SGCZ: variants seen among roughly 807,000 people sequenced by gnomAD.
The protein encoded by SGCZ is sarcoglycan zeta, also known as zeta-sarcoglycan.
SGCZ carries 40 observed loss-of-function variants against 41.3 expected under a neutral mutation model. The observed-to-expected ratio is 0.97, with a 90% CI of 0.75 to 1.26. The LOEUF (loss-of-function observed/expected upper bound fraction) is 1.26. Ranked by LOEUF, SGCZ falls within the 50% of genes most tolerant of loss-of-function variation. SGCZ has a pLI of 0.00. For synonymous variants in SGCZ, 206 were observed against 137.5 expected, an observed-to-expected ratio of 1.50 and a Z score of -3.49; for missense variants, 552 against 369.8, an observed-to-expected ratio of 1.49 and a Z score of -4.04.
At chr8:14,554,986 T>A (rs991116577) in intron 1 of SGCZ, 60 bp from the exon 2 acceptor site, 4 of 1,438,042 alleles carry the variant, frequency 2.8e-6, no homozygotes, top group Non-Finnish European at 2.8e-6. Flanking sequence ...TTAAAAAAAA[T>A]AAACCCATGA....
chr8:14,135,553 GA>G (rs1423181051), intron 5 of SGCZ, among the ~76,000 whole-genome samples: 1 of 151,726 alleles, frequency 6.6e-6, no homozygotes, highest in East Asian at 1.9e-4. Context: ...AGAAAATGTA[GA>G]AAAAAATGAA....
At chr8:15,103,027 C>T (rs1303332043) in intron 1 of SGCZ, among the ~76,000 whole-genome samples, 1 of 152,000 alleles carries the variant, frequency 6.6e-6, no homozygotes, top group African/African-American at 2.4e-5. Flanking sequence ...ATAAATAGAA[C>T]ACATATATTA....
At chr8:15,091,456 A>C (rs1430523053) in intron 1 of SGCZ, among the ~76,000 whole-genome samples, 2 of 152,254 alleles carry the variant, frequency 1.3e-5, no homozygotes, top group East Asian at 3.9e-4. Context: ...AGACTTAATC[A>C]TTCAATGCCA....
At chr8:15,208,097 A>G (rs904542553) in intron 1 of SGCZ, among the ~76,000 whole-genome samples, 6 of 152,216 alleles carry the variant, frequency 3.9e-5, no homozygotes, top group African/African-American at 1.4e-4. Flanking sequence ...GAGTAATAAA[A>G]CAGCAAATAA....
chr8:15,118,703 C>T (rs533427660), intron 1 of SGCZ, among the ~76,000 whole-genome samples: 1 of 152,182 alleles, frequency 6.6e-6, no homozygotes, highest in South Asian at 2.1e-4. Context: ...AATTAAATCT[C>T]CATCCTGTCC....
At chr8:14,587,301 A>T (rs1218307365) in intron 1 of SGCZ, among the ~76,000 whole-genome samples, 1 of 152,102 alleles carries the variant, frequency 6.6e-6, no homozygotes, top group Non-Finnish European at 1.5e-5. Flanking sequence ...TAATTAAAAA[A>T]ACAAAAGAAA....
intron 1 of SGCZ, among the ~76,000 whole-genome samples, chr8:14,826,968 G>C (rs1802347076): frequency 6.6e-6 from 1 of 151,950 alleles, no homozygotes; most frequent in South Asian, 2.1e-4. Flanking sequence ...TTTGGCTTTT[G>C]TTGCCATTGC....
At chr8:14,651,038 T>C (rs1193397030) in intron 1 of SGCZ, among the ~76,000 whole-genome samples, 2 of 152,088 alleles carry the variant, frequency 1.3e-5, no homozygotes, top group Admixed American at 6.6e-5. Context: ...GTTGTAATCA[T>C]CTTTATCCCT....
At chr8:15,119,734 T>C (rs1229749809) in intron 1 of SGCZ, among the ~76,000 whole-genome samples, 1 of 152,146 alleles carries the variant, frequency 6.6e-6, no homozygotes, top group African/African-American at 2.4e-5. Flanking sequence ...TTACTGCTTG[T>C]TTTAATTCCT....
At chr8:15,133,354 GC>G (rs1469566335) in intron 1 of SGCZ, among the ~76,000 whole-genome samples, 1 of 152,072 alleles carries the variant, frequency 6.6e-6, no homozygotes, top group East Asian at 1.9e-4. Flanking sequence ...TCCAAAAACT[GC>G]CCTCAAACAT....
rs540652833 is a variant in SGCZ, at chr8:14,297,120, G to A, written c.336+26983C>T. On this transcript the variant is annotated intron_variant, in intron 3 of 7. Transcript: ENST00000382080. Reference sequence around the variant, plus strand: ...GTATTTTTGGTAGAAACGGGGTTTCGCCATGTTAGCTAGGCTGGTCTCAAA... The same window carrying A: ...GTATTTTTGGTAGAAACGGGGTTTCACCATGTTAGCTAGGCTGGTCTCAAA... Among the ~76,000 whole-genome samples, 3 of 151,946 alleles carry A rather than the reference G, an allele frequency of 2.0e-5. No homozygotes were observed. The East Asian group carries it at 5.8e-4, about 30-fold the overall frequency.
intron 1 of SGCZ, among the ~76,000 whole-genome samples, chr8:14,853,208 T>C (rs112587382): frequency 6.6e-6 from 1 of 152,204 alleles, no homozygotes; most frequent in African/African-American, 2.4e-5. Flanking sequence ...TTTCTCTTTA[T>C]GGTATAAAAA....
chr8:14,991,998 T>G (rs891466053), intron 1 of SGCZ, among the ~76,000 whole-genome samples: 4 of 151,010 alleles, frequency 2.6e-5, no homozygotes, highest in African/African-American at 9.8e-5. Context: ...CCATTGATAT[T>G]TACCCCTCAC....
In SGCZ at chr8:15,087,856, A is replaced by T. The variant is rs1325937776; in HGVS notation, c.39+149729T>A. On this transcript the variant is annotated intron_variant, in intron 1 of 7. Coordinates refer to ENST00000382080, the MANE Select transcript of SGCZ (RefSeq NM_139167.4). ...AATCTAAAAACATTCCATTAAGAAT[A>T]TATAAGGCATAGTATGCATGTATTA... 2.0e-5 allele frequency among the ~76,000 whole-genome samples: 3 copies of T among 152,170 alleles called. No homozygotes were observed. In the East Asian group the frequency reaches 5.8e-4, roughly 29 times the overall value.
chr8:15,036,491 A>C (rs958037002), intron 1 of SGCZ, among the ~76,000 whole-genome samples: 13 of 152,116 alleles, frequency 8.5e-5, no homozygotes, highest in Admixed American at 7.9e-4. Context: ...TAATCAGTAC[A>C]ACAAACCCCC....
chr8:14,886,022 TATATATATATATAA>T (rs1328170839), intron 1 of SGCZ, among the ~76,000 whole-genome samples: 1 of 115,538 alleles, frequency 8.7e-6, no homozygotes, highest in Non-Finnish European at 1.8e-5. Context: ...TATATATATA[TATATATATATATAA>T]AATTGTATAC....
At chr8:15,064,019 C>T (rs941169841) in intron 1 of SGCZ, among the ~76,000 whole-genome samples, 1 of 152,172 alleles carries the variant, frequency 6.6e-6, no homozygotes, top group Admixed American at 6.5e-5. Flanking sequence ...AGGCCTTCAA[C>T]TATGACTCAA....
chr8:14,526,160 A>G (rs1802942644), intron 2 of SGCZ, among the ~76,000 whole-genome samples: 1 of 152,154 alleles, frequency 6.6e-6, no homozygotes, highest in Non-Finnish European at 1.5e-5. Flanking sequence ...TATCACCTAT[A>G]CAATTTAGCA....
intron 1 of SGCZ, among the ~76,000 whole-genome samples, chr8:14,748,471 G>A (rs1799402460): frequency 6.6e-6 from 1 of 152,042 alleles, no homozygotes; most frequent in Non-Finnish European, 1.5e-5. Flanking sequence ...TTTTGCCCCA[G>A]GTATTCCCCA....
Sources: allele counts gnomAD v4.1 joint callset (sites outside exome capture counted in the v4.1 genomes callset), GRCh38; gene constraint gnomAD v4.1.1; transcripts MANE v1.5; gene names NCBI Gene and HGNC (gene_info 2026-07-23, HGNC 2026-07-21).